MSRA: variants seen among roughly 807,000 people sequenced by gnomAD.
MSRA encodes mitochondrial peptide methionine sulfoxide reductase.
A neutral mutation model predicts 31.3 loss-of-function variants in MSRA; 54 were observed. The ratio of observed to expected loss-of-function variants is 1.73; its 90% CI spans 1.39 to 2.17. MSRA has a LOEUF of 2.17. Ranked by LOEUF, MSRA falls within the 30% of genes most tolerant of loss-of-function variation. The probability of loss-of-function intolerance (pLI) is 0.00; values close to 1 mark genes in which losing one functional copy is unlikely to be tolerated. For missense variants in MSRA, 507 were observed against 300.9 expected, an observed-to-expected ratio of 1.69 and a Z score of -5.07; for synonymous variants, 169 against 116.5, an observed-to-expected ratio of 1.45 and a Z score of -2.90.
chr8:10,087,702 A>G (rs1798638716), intron 1 of MSRA, among the ~76,000 whole-genome samples: 1 of 152,202 alleles, frequency 6.6e-6, no homozygotes, highest in African/African-American at 2.4e-5. Context: ...ATTAGCTCAC[A>G]TTGTAAATAT....
chr8:10,122,657 G>C (rs1187153308), intron 1 of MSRA, among the ~76,000 whole-genome samples: 1 of 151,994 alleles, frequency 6.6e-6, no homozygotes, highest in Non-Finnish European at 1.5e-5. Flanking sequence ...CACCCCAATA[G>C]TTATTTTTTC....
At chr8:10,105,562 C>G (rs535044867) in intron 1 of MSRA, among the ~76,000 whole-genome samples, 2 of 152,196 alleles carry the variant, frequency 1.3e-5, no homozygotes, top group South Asian at 4.1e-4. Context: ...TAGGCACATT[C>G]CCATTGCATC....
intron 4 of MSRA, among the ~76,000 whole-genome samples, chr8:10,311,493 A>T (rs1801429674): frequency 6.6e-6 from 1 of 152,212 alleles, no homozygotes; most frequent in Admixed American, 6.5e-5. Flanking sequence ...CTTCTTCTCA[A>T]TCACACAAGG....
chr8:10,308,722 G>A (rs961605908), intron 4 of MSRA, among the ~76,000 whole-genome samples: 1 of 152,188 alleles, frequency 6.6e-6, no homozygotes, highest in African/African-American at 2.4e-5. Flanking sequence ...GCCTTCATCT[G>A]TTCCATTCCT....
intron 1 of MSRA, among the ~76,000 whole-genome samples, chr8:10,164,705 C>T (rs1324217878): frequency 6.6e-6 from 1 of 152,102 alleles, no homozygotes; most frequent in Non-Finnish European, 1.5e-5. Flanking sequence ...AGTTTCCTTT[C>T]CCTGTAGAAT....
chr8:10,212,817 T>C (rs2129062364), intron 2 of MSRA, among the ~76,000 whole-genome samples: 1 of 152,344 alleles, frequency 6.6e-6, no homozygotes, highest in East Asian at 1.9e-4. Context: ...GAATTGACTT[T>C]GTTTTGGAAC....
intron 5 of MSRA, among the ~76,000 whole-genome samples, chr8:10,332,668 A>T (rs55836840): frequency 0.13 from 20,000 of 152,118 alleles, 1,443 homozygotes; most frequent in African/African-American, 0.17. Flanking sequence ...GTTTAGTTGC[A>T]TGTGGGTGAT....
At chr8:10,097,809 A>G (rs887171023) in intron 1 of MSRA, among the ~76,000 whole-genome samples, 3 of 152,198 alleles carry the variant, frequency 2.0e-5, no homozygotes, top group Admixed American at 6.5e-5. Context: ...ATGTCAGAAT[A>G]TACCTTAAGA....
At chr8:10,193,492 G>GC (rs1447718215) in intron 1 of MSRA, among the ~76,000 whole-genome samples, 2 of 152,178 alleles carry the variant, frequency 1.3e-5, no homozygotes, top group Non-Finnish European at 2.9e-5. Context: ...TTTTTATTGA[G>GC]CATGTATTCA....
chr8:10,317,746 C>T (rs1298864954), intron 4 of MSRA, among the ~76,000 whole-genome samples: 1 of 152,206 alleles, frequency 6.6e-6, no homozygotes, highest in Non-Finnish European at 1.5e-5. Flanking sequence ...AATTTTTCCT[C>T]ATAGTTTTTC....
chr8:10,410,586 A>C (rs941680167), intron 5 of MSRA, among the ~76,000 whole-genome samples: 2 of 152,198 alleles, frequency 1.3e-5, no homozygotes, highest in Non-Finnish European at 2.9e-5. Flanking sequence ...CTCTTACAGA[A>C]GAGAAGGCCA....
Position 10,121,920 on chromosome 8 carries a change from A to T in MSRA, c.142+67262A>T, listed in dbSNP as rs541602734. 2.6e-5 allele frequency among the ~76,000 whole-genome samples: 4 copies of T among 151,204 alleles called. No individual in the cohort carries two copies. In the East Asian group the frequency reaches 7.8e-4, roughly 29 times the overall value. On this transcript the variant is annotated intron_variant, in intron 1 of 5. Coordinates refer to ENST00000317173, the MANE Select transcript of MSRA (RefSeq NM_012331.5). Reference sequence around the variant, plus strand: ...GGTCTGAAACTCTTGGCCTCAAGTGATCCTCCTTCCTTGGGCTCCCAAAGT... The same window carrying T: ...GGTCTGAAACTCTTGGCCTCAAGTGTTCCTCCTTCCTTGGGCTCCCAAAGT...
At chr8:10,165,515 C>A (rs953352088) in intron 1 of MSRA, among the ~76,000 whole-genome samples, 1 of 152,126 alleles carries the variant, frequency 6.6e-6, no homozygotes, top group Non-Finnish European at 1.5e-5. Context: ...GGGGCTAAGA[C>A]CAGGCTGGGT....
intron 5 of MSRA, among the ~76,000 whole-genome samples, chr8:10,398,395 G>C (rs969722776): frequency 6.6e-6 from 1 of 152,236 alleles, no homozygotes; most frequent in Non-Finnish European, 1.5e-5. Flanking sequence ...CTTGCCGAGA[G>C]AGACCTTCTC....
chr8:10,342,668 A>G (rs760330019), intron 5 of MSRA, among the ~76,000 whole-genome samples: 2 of 152,336 alleles, frequency 1.3e-5, no homozygotes, highest in South Asian at 4.1e-4. Context: ...CTCCGAGTCC[A>G]GCGCAGTTCC....
In MSRA at chr8:10,223,028, T is replaced by C. The variant is rs147537712; in HGVS notation, c.211+15127T>C. The stretch of plus-strand genomic sequence containing the variant: ...TATGTTACTTAGCATAATTTACTTA[T>C]TCCACAGTGTGTATATATATCAATA... On this transcript the variant is annotated intron_variant, in intron 2 of 5. Transcript: ENST00000317173. 1.1e-3 allele frequency among the ~76,000 whole-genome samples: 172 copies of C among 152,318 alleles called. 5 individuals are homozygous for C. Among genetic ancestry groups the C allele is most frequent in the Non-Finnish European group, 5.0e-4 (34 of 68,020 alleles).
intron 1 of MSRA, among the ~76,000 whole-genome samples, chr8:10,119,663 A>C (rs1402656992): frequency 6.6e-6 from 1 of 152,254 alleles, no homozygotes. Flanking sequence ...CAGCATGTGC[A>C]TGATTATTGG....
intron 3 of MSRA, among the ~76,000 whole-genome samples, chr8:10,254,141 A>G (rs777169074): frequency 6.6e-6 from 1 of 151,966 alleles, no homozygotes; most frequent in Non-Finnish European, 1.5e-5. Context: ...TGGAATTGTG[A>G]AGTCTCTCAG....
At chr8:10,288,302 G>T (rs1048068711) in intron 3 of MSRA, among the ~76,000 whole-genome samples, 1 of 151,938 alleles carries the variant, frequency 6.6e-6, no homozygotes, top group South Asian at 2.1e-4. Context: ...TGGCCCTTTA[G>T]AAGCCGTAGC....
Sources: allele counts gnomAD v4.1 joint callset (sites outside exome capture counted in the v4.1 genomes callset), GRCh38; gene constraint gnomAD v4.1.1; transcripts MANE v1.5; gene names NCBI Gene and HGNC (gene_info 2026-07-23, HGNC 2026-07-21).